Variants in CNTN4 observed in about 807,000 individuals in gnomAD.
CNTN4 encodes contactin 4.
Under a neutral mutation model 122.5 loss-of-function variants are expected in CNTN4, and 77 were observed. The ratio of observed to expected loss-of-function variants is 0.63; its 90% CI spans 0.52 to 0.76. The LOEUF is 0.76. CNTN4 is among the 30% of genes least tolerant of loss of function. The probability of loss-of-function intolerance (pLI) is 0.00; values close to 1 mark genes in which losing one functional copy is unlikely to be tolerated. For missense variants in CNTN4, 1,256 were observed against 1,259.1 expected, an observed-to-expected ratio of 1.00 and a Z score of 0.04; for synonymous variants, 512 against 447.0, an observed-to-expected ratio of 1.15 and a Z score of -1.83.
At chr3:2,929,247 T>C (rs1577308576) in intron 13 of CNTN4, among the ~76,000 whole-genome samples, 1 of 152,188 alleles carries the variant, frequency 6.6e-6, no homozygotes, top group Non-Finnish European at 1.5e-5. Flanking sequence ...ATAAAGGCAG[T>C]TGGAATCATT....
intron 3 of CNTN4, among the ~76,000 whole-genome samples, chr3:2,488,419 G>T (rs1407962902): frequency 2.0e-5 from 3 of 152,098 alleles, no homozygotes; most frequent in African/African-American, 7.2e-5. Flanking sequence ...TGGTAAATTG[G>T]TGTGTCTACA....
At chr3:2,836,489 C>T (rs919561351) in intron 7 of CNTN4, among the ~76,000 whole-genome samples, 8 of 152,098 alleles carry the variant, frequency 5.3e-5, no homozygotes, top group African/African-American at 1.7e-4. Flanking sequence ...CATATATTAA[C>T]TCATTTAACC....
intron 10 of CNTN4, among the ~76,000 whole-genome samples, chr3:2,895,976 C>T (rs545241827): frequency 8.9e-4 from 136 of 151,992 alleles, no homozygotes; most frequent in East Asian, 4.3e-3. Flanking sequence ...GAGTTTGCAG[C>T]GAGCCAAGAT....
intron 4 of CNTN4, among the ~76,000 whole-genome samples, chr3:2,579,934 G>C (rs1273250165): frequency 3.9e-5 from 6 of 152,134 alleles, no homozygotes; most frequent in Non-Finnish European, 8.8e-5. Flanking sequence ...AGTGGTTGAA[G>C]GTGTTAGAAC....
intron 2 of CNTN4, among the ~76,000 whole-genome samples, chr3:2,139,589 G>T: frequency 6.6e-6 from 1 of 152,326 alleles, no homozygotes; most frequent in Middle Eastern, 3.4e-3. Context: ...GAGCTATCCT[G>T]ACAGTTGAGC....
chr3:2,597,976 G>T (rs151227455), intron 4 of CNTN4, among the ~76,000 whole-genome samples: 157 of 152,262 alleles, frequency 1.0e-3, no homozygotes, highest in African/African-American at 3.6e-3. Flanking sequence ...GCATCTATCA[G>T]TTTCTAACCA....
At chr3:2,989,118 G>A (rs1694839488) in intron 14 of CNTN4, 1 of 152,378 alleles carries the variant, frequency 6.6e-6, no homozygotes, top group Admixed American at 6.5e-5. Context: ...TCATGGCATG[G>A]GCTGGAAGTG....
At chr3:2,931,412 G>C (rs1343043741) in intron 13 of CNTN4, among the ~76,000 whole-genome samples, 1 of 152,114 alleles carries the variant, frequency 6.6e-6, no homozygotes, top group Admixed American at 6.5e-5. Flanking sequence ...CTGAGAGGGG[G>C]CAAATAAAGA....
chr3:2,313,589 T>C (rs1423458274), intron 2 of CNTN4, among the ~76,000 whole-genome samples: 1 of 151,960 alleles, frequency 6.6e-6, no homozygotes, highest in Non-Finnish European at 1.5e-5. Flanking sequence ...AGAATAAATA[T>C]CAGGGCCGGA....
intron 4 of CNTN4, among the ~76,000 whole-genome samples, chr3:2,594,842 G>GT (rs926723898): frequency 6.6e-6 from 1 of 152,090 alleles, no homozygotes; most frequent in African/African-American, 2.4e-5. Context: ...ATTTAGAGTA[G>GT]TTTTTTCTTA....
intron 6 of CNTN4, among the ~76,000 whole-genome samples, chr3:2,802,452 G>A (rs1006155623): frequency 2.0e-5 from 3 of 152,148 alleles, no homozygotes; most frequent in Non-Finnish European, 4.4e-5. Context: ...TAGCCCAAGG[G>A]AATAGCACCG....
chr3:2,450,400 T>TA (rs2048784876), intron 3 of CNTN4, among the ~76,000 whole-genome samples: 2 of 133,476 alleles, frequency 1.5e-5, no homozygotes, highest in African/African-American at 5.2e-5. Flanking sequence ...ATAAATAAAA[T>TA]AAAAAAGATG....
At chr3:2,646,843 A>G (rs2083146262) in intron 4 of CNTN4, among the ~76,000 whole-genome samples, 1 of 152,168 alleles carries the variant, frequency 6.6e-6, no homozygotes, top group Admixed American at 6.5e-5. Flanking sequence ...TTATAAGGAC[A>G]GCAGTCAGAT....
chr3:2,529,156 A>C (rs6800347), intron 3 of CNTN4, among the ~76,000 whole-genome samples: 18,212 of 152,052 alleles, frequency 0.12, 1,367 homozygotes, highest in Non-Finnish European at 0.18. Context: ...CTCTACTTCT[A>C]GGAGATCAAC....
intron 2 of CNTN4, among the ~76,000 whole-genome samples, chr3:2,294,369 G>A (rs1018151248): frequency 6.6e-6 from 1 of 150,546 alleles, no homozygotes; most frequent in Admixed American, 6.6e-5. Context: ...GGTGGCTCAC[G>A]CCTGTAATCC....
chr3:2,323,722 C>A (rs1182514935), intron 2 of CNTN4, among the ~76,000 whole-genome samples: 1 of 152,184 alleles, frequency 6.6e-6, no homozygotes, highest in South Asian at 2.1e-4. Flanking sequence ...CAAGTACATG[C>A]ATGCTCATAT....
chr3:2,787,197 C>T (rs933582431), intron 6 of CNTN4, among the ~76,000 whole-genome samples: 9 of 151,886 alleles, frequency 5.9e-5, no homozygotes, highest in Admixed American at 6.6e-5. Context: ...GCCAATATGG[C>T]GAAACCCTGT....
At position 2,752,434 on chromosome 3, in the gene CNTN4, C is replaced by T. The variant is rs149281107; in HGVS notation, c.358+6737C>T. 3.6e-3 allele frequency among the ~76,000 whole-genome samples: 546 copies of T among 152,280 alleles called. 3 individuals carry two copies. Among genetic ancestry groups the T allele is most frequent in the African/African-American group, 0.013 (521 of 41,546 alleles). The stretch of plus-strand genomic sequence containing the variant: ...AGGCTGCAGTGCAGTGGCACGATCT[C>T]GGCTCACTGCAACCTCCACCTCCCG... On this transcript the variant is annotated intron_variant, in intron 6 of 24. Coordinates refer to ENST00000418658, the MANE Select transcript of CNTN4 (RefSeq NM_175607.3).
intron 3 of CNTN4, among the ~76,000 whole-genome samples, chr3:2,391,365 T>C (rs373268983): frequency 6.6e-6 from 1 of 152,190 alleles, no homozygotes; most frequent in African/African-American, 2.4e-5. Flanking sequence ...TTTTTACAAC[T>C]GTACTATCTC....
Sources: allele counts gnomAD v4.1 joint callset (sites outside exome capture counted in the v4.1 genomes callset), GRCh38; gene constraint gnomAD v4.1.1; transcripts MANE v1.5; gene names NCBI Gene and HGNC (gene_info 2026-07-23, HGNC 2026-07-21).